Variants in STK32B observed in about 807,000 individuals in gnomAD.
STK32B encodes serine/threonine-protein kinase 32B.
In STK32B, 43 loss-of-function variants were observed where a neutral mutation model predicts 52.6. That is an observed-to-expected ratio of 0.82 (90% CI 0.64 to 1.05). The LOEUF is 1.05. Among genes scored for constraint, STK32B ranks in the 50% least tolerant of loss-of-function variants. STK32B has a pLI of 0.00. For missense variants in STK32B, 621 were observed against 534.6 expected, an observed-to-expected ratio of 1.16 and a Z score of -1.59; for synonymous variants, 238 against 204.3, an observed-to-expected ratio of 1.17 and a Z score of -1.41.
At chr4:5,044,653 T>C in the STK32B span, among the ~76,000 whole-genome samples, 28 of 152,192 alleles carry the variant, frequency 1.8e-4, no homozygotes, top group Non-Finnish European at 3.8e-4. Flanking sequence ...TGCCTGTCAT[T>C]TCGGCACTTT....
At chr4:5,110,461 G>C (rs1157565779) in intron 1 of STK32B, among the ~76,000 whole-genome samples, 1 of 151,526 alleles carries the variant, frequency 6.6e-6, no homozygotes, top group African/African-American at 2.4e-5. Flanking sequence ...CCACATACCT[G>C]CAACCAACTT....
chr4:5,405,235 A>C (rs1213018931), intron 5 of STK32B, among the ~76,000 whole-genome samples: 2 of 151,882 alleles, frequency 1.3e-5, no homozygotes, highest in East Asian at 3.9e-4. Flanking sequence ...GAGATCCCCA[A>C]CCCTGCCTGT....
chr4:5,278,717 T>C (rs1728001639), intron 3 of STK32B, among the ~76,000 whole-genome samples: 1 of 152,046 alleles, frequency 6.6e-6, no homozygotes, highest in Admixed American at 6.6e-5. Context: ...TGAGACTGGG[T>C]AATTTATGGA....
At chr4:5,358,339 C>T (rs1734311506) in intron 4 of STK32B, among the ~76,000 whole-genome samples, 1 of 152,134 alleles carries the variant, frequency 6.6e-6, no homozygotes, top group Admixed American at 6.5e-5. Flanking sequence ...AACTGTTTTA[C>T]AGAAGATGTT....
intron 1 of STK32B, among the ~76,000 whole-genome samples, chr4:5,070,958 C>A (rs541229283): frequency 3.3e-5 from 5 of 152,272 alleles, no homozygotes; most frequent in Admixed American, 3.3e-4. Context: ...GAGCGTATAA[C>A]CTCTGCTCCT....
At chr4:5,338,487 T>C (rs968276602) in intron 4 of STK32B, among the ~76,000 whole-genome samples, 5 of 152,178 alleles carry the variant, frequency 3.3e-5, no homozygotes, top group African/African-American at 7.2e-5. Context: ...AGATCAGTTG[T>C]ATATGTGTCA....
chr4:5,055,348 C>T (rs112179794), intron 1 of STK32B, among the ~76,000 whole-genome samples: 2 of 151,948 alleles, frequency 1.3e-5, no homozygotes, highest in African/African-American at 4.8e-5. Flanking sequence ...TTGGCTCTGG[C>T]CATTTCTTGC....
intron 9 of STK32B, among the ~76,000 whole-genome samples, chr4:5,462,205 T>C (rs10937644): frequency 0.13 from 20,246 of 151,948 alleles, 1,727 homozygotes; most frequent in East Asian, 0.46. Flanking sequence ...CCGTGGTGTG[T>C]GTGCCTATAT....
At chr4:5,126,273 C>T (rs977886329) in intron 1 of STK32B, among the ~76,000 whole-genome samples, 2 of 152,174 alleles carry the variant, frequency 1.3e-5, no homozygotes, top group Admixed American at 6.5e-5. Flanking sequence ...CCTTTATCTC[C>T]ATCCCTTCTT....
At chr4:5,191,892 C>T (rs1019861605) in intron 3 of STK32B, among the ~76,000 whole-genome samples, 1 of 152,220 alleles carries the variant, frequency 6.6e-6, no homozygotes, top group South Asian at 2.1e-4. Flanking sequence ...ACTGTGCTCC[C>T]AGGTCCATGA....
chr4:5,179,312 C>G (rs1720173212), intron 3 of STK32B, among the ~76,000 whole-genome samples: 1 of 152,162 alleles, frequency 6.6e-6, no homozygotes, highest in Non-Finnish European at 1.5e-5. Context: ...GGGTTCCTCC[C>G]ATGACACATG....
intron 5 of STK32B, among the ~76,000 whole-genome samples, chr4:5,407,183 C>G (rs184304492): frequency 1.3e-5 from 2 of 152,278 alleles, no homozygotes; most frequent in African/African-American, 4.8e-5. Flanking sequence ...CCTCCAACCT[C>G]TTTGCCAACA....
intron 4 of STK32B, among the ~76,000 whole-genome samples, chr4:5,342,900 A>C (rs1733180998): frequency 6.6e-6 from 1 of 152,186 alleles, no homozygotes; most frequent in African/African-American, 2.4e-5. Context: ...ACATTTAATA[A>C]ATCAATATTG....
Position 5,395,109 on chromosome 4 carries a change from C to T in STK32B, c.435-3098C>T, listed in dbSNP as rs928818560. Among the ~76,000 whole-genome samples, 6 of 152,136 alleles carry T rather than the reference C, an allele frequency of 3.9e-5. No homozygotes were observed. The highest frequency in any genetic ancestry group is 3.9e-4 in the Admixed American group (6 of 15,278). ...CGTTTTCTTGCTACATATAGGCCAGCGGTCACTCTTCCTCCCAGGGACAGC... is the reference window on the plus strand; with the variant it reads ...CGTTTTCTTGCTACATATAGGCCAGTGGTCACTCTTCCTCCCAGGGACAGC... On this transcript the variant is annotated intron_variant, in intron 4 of 11. Transcript: ENST00000282908. This position sits in a 1 kb window ranked among gnomAD's most constrained non-coding sequence, Gnocchi z 4.4.
chr4:5,047,202 G>T (rs1248440718), upstream of STK32B, among the ~76,000 whole-genome samples: 3 of 152,150 alleles, frequency 2.0e-5, no homozygotes, highest in Admixed American at 6.5e-5. Context: ...CATGGATGAA[G>T]CTGGAAGTCA....
intron 11 of STK32B, among the ~76,000 whole-genome samples, chr4:5,492,558 A>C (rs2108727795): frequency 6.6e-6 from 1 of 151,110 alleles, no homozygotes; most frequent in East Asian, 1.9e-4. Flanking sequence ...CTAATTGAAT[A>C]CCCTTTATTT....
intron 8 of STK32B, among the ~76,000 whole-genome samples, chr4:5,457,890 A>C (rs1300089033): frequency 1.6e-5 from 2 of 123,966 alleles, no homozygotes; most frequent in East Asian, 6.3e-4. Flanking sequence ...GCGAGGCGGA[A>C]GGGAGGGAGG....
At chr4:5,282,793 G>A (rs898363883) in intron 3 of STK32B, among the ~76,000 whole-genome samples, 1 of 152,080 alleles carries the variant, frequency 6.6e-6, no homozygotes, top group Non-Finnish European at 1.5e-5. Flanking sequence ...GTCCTAGGCA[G>A]GACAGAGCAG....
At chr4:5,495,544 G>A (rs1720155819) in intron 11 of STK32B, among the ~76,000 whole-genome samples, 1 of 152,130 alleles carries the variant, frequency 6.6e-6, no homozygotes, top group South Asian at 2.1e-4. Context: ...GCTCGCAGTA[G>A]CTTGATCGTC....
Sources: gnomAD v4.1 joint callset for allele counts (sites outside exome capture counted in the v4.1 genomes callset) on GRCh38, gnomAD v4.1.1 for gene constraint, Gnocchi (gnomAD v3.1) non-coding constraint, MANE v1.5 for transcripts, NCBI Gene and HGNC (gene_info 2026-07-23, HGNC 2026-07-21) for gene names.